TUT4: variants seen among roughly 807,000 people sequenced by gnomAD.
TUT4 encodes terminal uridylyl transferase 4.
In TUT4, 36 loss-of-function variants were observed where a neutral mutation model predicts 192.2. The ratio of observed to expected loss-of-function variants is 0.19; its 90% CI spans 0.14 to 0.25. TUT4 has a LOEUF of 0.25. Ranked by LOEUF, TUT4 falls within the 10% of genes least tolerant of loss-of-function variation. TUT4 has a pLI of 1.00. For missense variants in TUT4, 1,493 were observed against 1,957.2 expected (o/e 0.76, Z 4.47); for synonymous variants, 618 against 666.0 (o/e 0.93, Z 1.11).
At chr1:52,524,463 G>A (rs770277539) in intron 2 of TUT4, among the ~76,000 whole-genome samples, 2 of 151,584 alleles carry the variant, frequency 1.3e-5, no homozygotes, top group Non-Finnish European at 2.9e-5. Flanking sequence ...GGGGGAGCTC[G>A]CAGTGAGCCA....
intron 28 of TUT4, among the ~76,000 whole-genome samples, chr1:52,428,660 G>T (rs1650878989): frequency 6.7e-6 from 1 of 149,964 alleles, no homozygotes; most frequent in Non-Finnish European, 1.5e-5. Context: ...TTCCGGGCAT[G>T]GTGGTGCGCA....
At position 52,539,929 on chromosome 1, in the gene TUT4, C is replaced by A. The variant is rs1471748635; in HGVS notation, c.-94+13002G>T. On this transcript the variant is annotated intron_variant, in intron 1 of 29. Coordinates refer to ENST00000257177, the MANE Select transcript of TUT4 (RefSeq NM_001009881.3). ...CTTAAAAAAAAAAAAACAAAAAAAACAGGCCAGGCGCGGGACTACAGGCTC... is the reference window on the plus strand; with the variant it reads ...CTTAAAAAAAAAAAAACAAAAAAAAAAGGCCAGGCGCGGGACTACAGGCTC... 9.0e-5 allele frequency among the ~76,000 whole-genome samples: 13 copies of A among 145,064 alleles called. No individual in the cohort carries two copies. The South Asian group carries it at 2.1e-3, about 24-fold the overall frequency.
intron 2 of TUT4, among the ~76,000 whole-genome samples, chr1:52,521,718 C>T (rs1397848504): frequency 6.6e-6 from 1 of 151,954 alleles, no homozygotes; most frequent in African/African-American, 2.4e-5. Flanking sequence ...GTAATCCCAG[C>T]ACTTTGGGAG....
chr1:52,448,330 GTAAT>G (rs1227768791), intron 20 of TUT4, among the ~76,000 whole-genome samples: 3 of 152,174 alleles, frequency 2.0e-5, no homozygotes, highest in Non-Finnish European at 4.4e-5. Flanking sequence ...GCTCATGCCT[GTAAT>G]CCCAGCACTT....
intron 20 of TUT4, among the ~76,000 whole-genome samples, 183 bp downstream of exon 20, chr1:52,458,153 T>C (rs771188054): frequency 6.6e-6 from 1 of 152,220 alleles, no homozygotes; most frequent in Non-Finnish European, 1.5e-5. Flanking sequence ...TGGTAGTCTA[T>C]ATTCTCCCAT....
intron 29 of TUT4, 24 bp from the exon 30 acceptor site, chr1:52,424,026 A>G: frequency 6.3e-7 from 1 of 1,597,490 alleles, no homozygotes; most frequent in Non-Finnish European, 8.5e-7. Context: ...CACAGACAGG[A>G]AACTGAAAGG....
intron 12 of TUT4, among the ~76,000 whole-genome samples, chr1:52,477,261 C>T (rs1263084315): frequency 6.6e-6 from 1 of 152,004 alleles, no homozygotes; most frequent in Non-Finnish European, 1.5e-5. Context: ...CTATAATAGA[C>T]TTGACAAAGA....
chr1:52,469,506 T>G (rs1665100452), intron 14 of TUT4, among the ~76,000 whole-genome samples: 2 of 152,178 alleles, frequency 1.3e-5, no homozygotes, highest in South Asian at 4.1e-4. Flanking sequence ...GGTTTCTCAC[T>G]GTTGGAGTGG....
At chr1:52,468,928 C>T (rs545069876) in intron 14 of TUT4, among the ~76,000 whole-genome samples, 42 of 152,188 alleles carry the variant, frequency 2.8e-4, no homozygotes, top group African/African-American at 8.7e-4. Flanking sequence ...AAAGTTAACA[C>T]AGTAACAGAA....
chr1:52,535,165 T>C (rs1372916794), intron 1 of TUT4: 1 of 152,196 alleles, frequency 6.6e-6, no homozygotes, highest in East Asian at 1.9e-4. Flanking sequence ...GTAAAATTTT[T>C]TTCTTCTATC....
intron 11 of TUT4, among the ~76,000 whole-genome samples, chr1:52,478,106 G>A (rs1320567586): frequency 1.3e-5 from 2 of 152,040 alleles, no homozygotes; most frequent in Non-Finnish European, 2.9e-5. Context: ...TCTCAACCTT[G>A]GCTGCACATT....
chr1:52,491,201 C>T (rs967645769), intron 7 of TUT4, among the ~76,000 whole-genome samples: 6 of 152,176 alleles, frequency 3.9e-5, no homozygotes, highest in Admixed American at 3.3e-4. Context: ...CATGCTTTGA[C>T]AGTTTAGTTC....
At chr1:52,437,950 G>A (rs978217932) in intron 25 of TUT4, among the ~76,000 whole-genome samples, 6 of 151,380 alleles carry the variant, frequency 4.0e-5, no homozygotes, top group African/African-American at 9.7e-5. Flanking sequence ...GCGAGATGCC[G>A]TCTCAAAAAA....
chr1:52,511,590 AG>A (rs1451727294), intron 3 of TUT4, among the ~76,000 whole-genome samples: 1 of 152,180 alleles, frequency 6.6e-6, no homozygotes, highest in Non-Finnish European at 1.5e-5. Flanking sequence ...AGTAACTTTA[AG>A]GAAGTGAAGG....
intron 5 of TUT4, 67 bp from the exon 6 acceptor site, chr1:52,495,582 G>A (rs768369268): frequency 1.1e-4 from 143 of 1,246,948 alleles, no homozygotes; most frequent in Admixed American, 3.7e-4. Context: ...AAAAAACAGC[G>A]ACGGGAAAAT....
At position 52,437,997 on chromosome 1, in the gene TUT4, C is replaced by T. The variant is rs1247223519; in HGVS notation, c.3938+223G>A. Reference sequence around the variant, plus strand: ...AAACAAAAACAAAAACAAAAAAAAACTGAGTGAATTAATGAATAAATGAAC... The same window carrying T: ...AAACAAAAACAAAAACAAAAAAAAATTGAGTGAATTAATGAATAAATGAAC... On this transcript the variant is annotated intron_variant, in intron 25 of 29. Transcript: ENST00000257177. Among the ~76,000 whole-genome samples the T allele has an allele frequency of 2.0e-5, 3 of 151,710 alleles. No individual in the cohort carries two copies. The East Asian group carries it at 5.8e-4, about 29-fold the overall frequency.
chr1:52,535,317 G>T (rs959091772), intron 1 of TUT4, among the ~76,000 whole-genome samples: 9 of 151,250 alleles, frequency 6.0e-5, no homozygotes, highest in Non-Finnish European at 1.2e-4. Context: ...TCCTTCCTAG[G>T]TGATTTCCTC....
chr1:52,494,484 G>T (rs1671971697), intron 6 of TUT4, among the ~76,000 whole-genome samples: 1 of 152,166 alleles, frequency 6.6e-6, no homozygotes, highest in Non-Finnish European at 1.5e-5. Flanking sequence ...CTGAGGTCAG[G>T]AGTTCAACAC....
chr1:52,426,943 T>C (rs1182345317), intron 28 of TUT4, among the ~76,000 whole-genome samples: 3 of 151,714 alleles, frequency 2.0e-5, no homozygotes, highest in Non-Finnish European at 4.4e-5. Context: ...TTCCATTCAG[T>C]CCTTCCATTT....
Sources: gnomAD v4.1 joint callset for allele counts (sites outside exome capture counted in the v4.1 genomes callset) on GRCh38, gnomAD v4.1.1 for gene constraint, MANE v1.5 for transcripts, NCBI Gene and HGNC (gene_info 2026-07-23, HGNC 2026-07-21) for gene names.